KIR2DL1: variants seen among roughly 807,000 people sequenced by gnomAD.
The protein encoded by KIR2DL1 is killer cell immunoglobulin like receptor, two Ig domains and long cytoplasmic tail 1, also known as killer cell immunoglobulin-like receptor 2DL1.
A neutral mutation model predicts 33.9 loss-of-function variants in KIR2DL1; 38 were observed. That is an observed-to-expected ratio of 1.12 (90% confidence interval 0.86 to 1.47). KIR2DL1 has a LOEUF of 1.47. KIR2DL1 is among the 40% of genes most tolerant of loss of function. The pLI is 0.00. For missense variants in KIR2DL1, 531 were observed against 433.9 expected (o/e 1.22, Z -1.99); for synonymous variants, 179 against 165.9 (o/e 1.08, Z -0.61).
At chr19:54,782,630 C>T (rs779577446) in intron 5 of KIR2DL1, among the ~76,000 whole-genome samples, 1 of 152,084 alleles carries the variant, frequency 6.6e-6, no homozygotes, top group Non-Finnish European at 1.5e-5. Flanking sequence ...GATCCACCTC[C>T]ATGACCCAAA....
At chr19:54,783,228 A>G (rs1272992546) in intron 6 of KIR2DL1, among the ~76,000 whole-genome samples, 4 of 151,446 alleles carry the variant, frequency 2.6e-5, no homozygotes, top group South Asian at 2.1e-4. Context: ...CTGTATCCCC[A>G]TGTCCCCTGC....
chr19:54,773,915 C>T (rs1423249277), intron 3 of KIR2DL1, among the ~76,000 whole-genome samples: 1 of 148,540 alleles, frequency 6.7e-6, no homozygotes, highest in Non-Finnish European at 1.5e-5. Flanking sequence ...GGTGTCCCTC[C>T]ATGCTGACTT....
At position 54,784,103 on chromosome 19, in the gene KIR2DL1, C is replaced by T. The variant is rs1198024187; in HGVS notation, c.*290C>T. The T allele has an allele frequency of 6.4e-5, 36 of 559,402 alleles. No individual in the cohort carries two copies. The East Asian group carries it at 1.1e-3, about 17-fold the overall frequency. 34.7% of individuals were successfully genotyped at this position (559,402 alleles called of 1,614,324 possible). A position where few individuals can be genotyped will look rare whatever the true frequency, so the allele number is the denominator to read the frequency against. ...CAACCTAACTGGCTTACTTCCTAGT[C>T]TACTTGAGGCTGCAATCACACTGAG... is the stretch of plus-strand genomic sequence containing the variant. On this transcript the variant is annotated 3_prime_UTR_variant, in exon 8 of 8. Coordinates refer to ENST00000336077, the MANE Select transcript of KIR2DL1 (RefSeq NM_014218.3).
rs2077349467 is a variant in KIR2DL1, at chr19:54,783,768, A to G, written c.1002A>G (p.Glu334=). 2.0e-5 allele frequency: 33 copies of G among 1,613,874 alleles called. No individual in the cohort carries two copies. Among genetic ancestry groups the G allele is most frequent in the Non-Finnish European group, 2.8e-5 (33 of 1,179,970 alleles). The stretch of plus-strand genomic sequence containing the variant: ...CAACAGATATCATCGTGTACACGGA[A>G]CTTCCAAATGCTGAGTCCAGATCCA... ...TPPTDIIVYT[E]LPNAESRSKV... Residue 334 remains glutamate, a synonymous_variant, in exon 8 of 8, where the codon GAA becomes GAG. Transcript: ENST00000336077.
At chr19:54,782,009 G>T (rs1243240276) in intron 5 of KIR2DL1, among the ~76,000 whole-genome samples, 1 of 152,000 alleles carries the variant, frequency 6.6e-6, no homozygotes. Context: ...CGTTACATAG[G>T]CAGGTTCATT....
intron 5 of KIR2DL1, among the ~76,000 whole-genome samples, chr19:54,781,376 G>T (rs574212323): frequency 1.2e-4 from 18 of 150,246 alleles, no homozygotes; most frequent in African/African-American, 3.7e-4. Flanking sequence ...GTGAAAGCCC[G>T]CTGAATCCTC....
At chr19:54,774,334 A>G (rs2076086452) in intron 3 of KIR2DL1, among the ~76,000 whole-genome samples, 1 of 77,448 alleles carries the variant, frequency 1.3e-5, no homozygotes, top group South Asian at 5.9e-4. Context: ...ACATAAAGAG[A>G]GAGAAAAGAG....
intron 6 of KIR2DL1, among the ~76,000 whole-genome samples, chr19:54,783,260 G>A (rs1157565642): frequency 2.0e-5 from 3 of 151,758 alleles, no homozygotes; most frequent in Non-Finnish European, 2.9e-5. Flanking sequence ...TCCAGGAGAA[G>A]GTTCCATGAC....
In KIR2DL1 at chr19:54,773,577, T is replaced by G. The variant is rs1385979920; in HGVS notation, c.315T>G (p.Thr105=). 1 of 1,580,988 alleles carries G rather than the reference T, an allele frequency of 6.3e-7. No individual in the cohort carries two copies. The highest frequency in any genetic ancestry group is 8.7e-7 in the Non-Finnish European group (1 of 1,153,794). Residue 105 remains threonine, a synonymous_variant, in exon 3 of 8, where the codon ACT becomes ACG. Coordinates refer to ENST00000336077, the MANE Select transcript of KIR2DL1 (RefSeq NM_014218.3). The part of the protein sequence containing the change: ...AGTYRCYGSV[T]HSPYQVSAPS... ...CCTACAGATGCTACGGTTCTGTTAC[T>G]CACTCCCCCTATCAGGTGTCAGCTC...
chr19:54,771,060 G>A (rs1195081405), intron 2 of KIR2DL1, among the ~76,000 whole-genome samples, 176 bp downstream of exon 2: 1 of 148,624 alleles, frequency 6.7e-6, no homozygotes, highest in Non-Finnish European at 1.5e-5. Flanking sequence ...GCAGAGTCAA[G>A]TTCTGTGGGG....
chr19:54,775,360 C>T lies in KIR2DL1; in HGVS notation c.566C>T (p.Pro189Leu). The T allele has an allele frequency of 1.9e-6, 3 of 1,582,678 alleles. No homozygotes were observed. Among genetic ancestry groups the T allele is most frequent in the Non-Finnish European group, 2.6e-6 (3 of 1,154,770 alleles). The change falls in exon 4 of 8, where the codon CCT becomes CTT. Residue 189 changes from proline to leucine, a missense_variant. Pro to Leu is a moderately conservative substitution (Grantham distance 98). Transcript: ENST00000336077. ...TTCCAGGCTGACTTTCCTCTGGGCCCTGCCACCCACGGAGGGACCTACAGA... is the reference window on the plus strand; with the variant it reads ...TTCCAGGCTGACTTTCCTCTGGGCCTTGCCACCCACGGAGGGACCTACAGA... ...GTFQADFPLG[P>L]ATHGGTYRCF...
intron 4 of KIR2DL1, among the ~76,000 whole-genome samples, chr19:54,776,779 T>G (rs2076396593): frequency 1.4e-5 from 2 of 146,812 alleles, no homozygotes; most frequent in East Asian, 2.0e-4. Flanking sequence ...TAGCTGGGAT[T>G]ACAGGTGCAC....
At chr19:54,773,753 T>C in intron 3 of KIR2DL1, 121 bp downstream of exon 3, 1 of 1,124,630 alleles carries the variant, frequency 8.9e-7, no homozygotes, top group Non-Finnish European at 1.3e-6. Context: ...AGAGACTGAC[T>C]TGGTGAGGTC....
chr19:54,773,259 C>T lies in KIR2DL1; in HGVS notation c.71-74C>T, dbSNP rs1326337028. ...GAGATAAGACACCAGGAAGGGGAAG[C>T]CTGACTCAATCCAGGTGCCATGGAT... On this transcript the variant is annotated intron_variant, in intron 2 of 7. Coordinates refer to ENST00000336077, the MANE Select transcript of KIR2DL1 (RefSeq NM_014218.3). 8.8e-5 allele frequency: 128 copies of T among 1,453,546 alleles called. 14 individuals carry two copies. The highest frequency in any genetic ancestry group is 7.4e-4 in the Middle Eastern group (3 of 4,032). 90.0% of individuals were successfully genotyped at this position (1,453,546 alleles called of 1,614,324 possible).
rs1378538018 is a variant in KIR2DL1 at position 54,774,230 on chromosome 19, T to A, written c.370+598T>A. ...ATAAGCCCACTTATGAGAGGATCAG[T>A]GAGAGGCACAGAGAGAAATCAGGGA... On this transcript the variant is annotated intron_variant, in intron 3 of 7. Transcript: ENST00000336077. Among the ~76,000 whole-genome samples the A allele has an allele frequency of 3.4e-5, 5 of 148,166 alleles. No individual in the cohort carries two copies. The East Asian group carries it at 9.8e-4, about 29-fold the overall frequency.
rs1281276734 is a variant in KIR2DL1, at chr19:54,776,452, G to A, written c.664+994G>A. Among the ~76,000 whole-genome samples the A allele has an allele frequency of 8.5e-4, 124 of 146,180 alleles. 2 individuals carry two copies. Among genetic ancestry groups the A allele is most frequent in the African/African-American group, 2.8e-3 (111 of 39,942 alleles). ...TATGGATGAGTAGTCTCCACTGTGC[G>A]TATGTACTACATTCTCTCTATCCAT... On this transcript the variant is annotated intron_variant, in intron 4 of 7. Coordinates refer to ENST00000336077, the MANE Select transcript of KIR2DL1 (RefSeq NM_014218.3).
Position 54,783,514 on chromosome 19 carries a change from A to C in KIR2DL1, c.846A>C (p.Ala282=). 1 of 1,613,440 alleles carries C rather than the reference A, an allele frequency of 6.2e-7. No individual in the cohort carries two copies. Among genetic ancestry groups the C allele is most frequent in the Non-Finnish European group, 8.5e-7 (1 of 1,179,720 alleles). The part of the protein sequence containing the change: ...KNAAVMDQES[A]GNRTANSEDS... The stretch of plus-strand genomic sequence containing the variant: ...CTGCGGTAATGGACCAAGAGTCTGC[A>C]GGAAACAGAACAGCGAATAGCGAGG... The change falls in exon 7 of 8, where the codon GCA becomes GCC. Residue 282 remains alanine, a synonymous_variant. Transcript: ENST00000336077.
At position 54,782,149 on chromosome 19, in the gene KIR2DL1, A is replaced by G. The variant is rs1465842792; in HGVS notation, c.716-773A>G. The stretch of plus-strand genomic sequence containing the variant: ...GCAGTGTAGCTGCGGGAAGCCAGAA[A>G]GCAGCCCAGCCTGGGTTTTGTACCC... On this transcript the variant is annotated intron_variant, in intron 5 of 7. Transcript: ENST00000336077. 2.6e-5 allele frequency among the ~76,000 whole-genome samples: 4 copies of G among 151,986 alleles called. No homozygotes were observed. The East Asian group carries it at 7.7e-4, about 29-fold the overall frequency.
At chr19:54,783,164 G>A (rs1305791605) in intron 6 of KIR2DL1, 141 bp downstream of exon 6, 9 of 987,336 alleles carry the variant, frequency 9.1e-6, no homozygotes, top group Non-Finnish European at 1.4e-5. Context: ...TCTAGAGAGG[G>A]CACCAGACTC....
Sources: gnomAD v4.1 joint callset for allele counts (sites outside exome capture counted in the v4.1 genomes callset) on GRCh38, gnomAD v4.1.1 for gene constraint, MANE v1.5 for transcripts, NCBI Gene and HGNC (gene_info 2026-07-23, HGNC 2026-07-21) for gene names.